NR3C2: variants seen among roughly 807,000 people sequenced by gnomAD.
The protein encoded by NR3C2 is mineralocorticoid receptor.
NR3C2 carries 15 observed loss-of-function variants against 86.4 expected under a neutral mutation model. The ratio of observed to expected loss-of-function variants is 0.17; its 90% CI spans 0.12 to 0.27. NR3C2 has a LOEUF of 0.27. NR3C2 is among the 10% of genes least tolerant of loss of function. The probability of loss-of-function intolerance (pLI) is 1.00; values close to 1 mark genes in which losing one functional copy is unlikely to be tolerated. For synonymous variants in NR3C2, 458 were observed against 450.5 expected (o/e 1.02, Z -0.21); for missense variants, 960 against 1,195.6 (o/e 0.80, Z 2.91).
At position 148,305,540 on chromosome 4, in the gene NR3C2, T is replaced by TAAA. The variant is rs3054606; in HGVS notation, c.1758-45426_1758-45424dup. 2.3e-3 allele frequency among the ~76,000 whole-genome samples: 309 copies of TAAA among 134,810 alleles called. 1 individual carries two copies. The highest frequency in any genetic ancestry group is 0.013 in the East Asian group (59 of 4,544). 88.4% of individuals were successfully genotyped at this position (134,810 alleles called of 152,430 possible). A position where few individuals can be genotyped will look rare whatever the true frequency, so the allele number is the denominator to read the frequency against. Reference sequence around the variant, plus strand: ...ATTTTGCAAGGATCCCATTCTTTCTTAAAAAAAAAAAAAAAAAAATCACGA... The same window carrying TAAA: ...ATTTTGCAAGGATCCCATTCTTTCTTAAAAAAAAAAAAAAAAAAAAAATCACGA... On this transcript the variant is annotated intron_variant, in intron 2 of 8. Coordinates refer to ENST00000358102, the MANE Select transcript of NR3C2 (RefSeq NM_000901.5).
At chr4:148,171,202 G>T (rs1026374654) in intron 4 of NR3C2, among the ~76,000 whole-genome samples, 17 of 152,164 alleles carry the variant, frequency 1.1e-4, no homozygotes, top group African/African-American at 4.1e-4. Flanking sequence ...GAGGTAAAAA[G>T]GTCCACACCC....
At chr4:148,405,248 T>C (rs183830113) in intron 2 of NR3C2, among the ~76,000 whole-genome samples, 4 of 152,340 alleles carry the variant, frequency 2.6e-5, no homozygotes, top group African/African-American at 9.6e-5. Flanking sequence ...GCATTGGACA[T>C]AGCCATAACC....
chr4:148,283,337 A>G (rs1207870422), intron 2 of NR3C2, among the ~76,000 whole-genome samples: 1 of 152,184 alleles, frequency 6.6e-6, no homozygotes, highest in Non-Finnish European at 1.5e-5. Context: ...TCAAAGGATC[A>G]CTAAACTTTT....
At chr4:148,234,815 T>G (rs921774183) in intron 3 of NR3C2, among the ~76,000 whole-genome samples, 1 of 152,190 alleles carries the variant, frequency 6.6e-6, no homozygotes, top group African/African-American at 2.4e-5. Context: ...TCTATTTTCT[T>G]ATTTTTTAAC....
intron 3 of NR3C2, among the ~76,000 whole-genome samples, chr4:148,231,952 G>T (rs1056532895): frequency 6.6e-6 from 1 of 152,080 alleles, no homozygotes; most frequent in African/African-American, 2.4e-5. Flanking sequence ...TCCTGAGATT[G>T]CAGCAATTCA....
intron 2 of NR3C2, among the ~76,000 whole-genome samples, chr4:148,298,903 T>C (rs1223289459): frequency 6.6e-6 from 1 of 152,246 alleles, no homozygotes; most frequent in African/African-American, 2.4e-5. Flanking sequence ...TAAGGGAACC[T>C]GCCCAAGGCC....
intron 8 of NR3C2, among the ~76,000 whole-genome samples, chr4:148,107,989 T>C (rs1161972107): frequency 2.6e-5 from 4 of 152,190 alleles, no homozygotes; most frequent in African/African-American, 9.6e-5. Context: ...ATTCTGCACA[T>C]GTATCCCAGA....
At position 148,207,580 on chromosome 4, in the gene NR3C2, T is replaced by C. The variant is rs543869629; in HGVS notation, c.1898-12718A>G. Among the ~76,000 whole-genome samples, 49 of 152,340 alleles carry C rather than the reference T, an allele frequency of 3.2e-4. 1 individual carries two copies. In the South Asian group the frequency reaches 6.0e-3, roughly 19 times the overall value. On this transcript the variant is annotated intron_variant, in intron 3 of 8. Transcript: ENST00000358102. ...CGATTCATAAGGCAGTAATGGGCTT[T>C]AGGGTCAGATGCAGTGGGTTATAGC... is the stretch of plus-strand genomic sequence containing the variant.
intron 2 of NR3C2, among the ~76,000 whole-genome samples, chr4:148,362,325 C>T (rs748956528): frequency 6.6e-6 from 1 of 152,062 alleles, no homozygotes; most frequent in Non-Finnish European, 1.5e-5. Context: ...ATACTGAATG[C>T]TCCCAACACA....
chr4:148,190,335 A>G (rs1197175278), intron 4 of NR3C2, among the ~76,000 whole-genome samples: 1 of 152,120 alleles, frequency 6.6e-6, no homozygotes, highest in East Asian at 1.9e-4. Flanking sequence ...ATGTATTTGT[A>G]TGGTTTTGAA....
rs61764242 is a variant in NR3C2, at chr4:148,110,365, A to G, written c.2799+3739T>C. Among the ~76,000 whole-genome samples the G allele has an allele frequency of 4.0e-3, 611 of 152,340 alleles. 9 individuals are homozygous for G. The highest frequency in any genetic ancestry group is 6.8e-3 in the South Asian group (33 of 4,822). On this transcript the variant is annotated intron_variant, in intron 8 of 8. Coordinates refer to ENST00000358102, the MANE Select transcript of NR3C2 (RefSeq NM_000901.5). ...GCTGGCATACTACACACATGGTTTA[A>G]GCAGAACTTTGATCTACAGTCAAAG... is the stretch of plus-strand genomic sequence containing the variant.
intron 2 of NR3C2, among the ~76,000 whole-genome samples, chr4:148,375,739 C>A (rs755707413): frequency 6.6e-6 from 1 of 152,104 alleles, no homozygotes; most frequent in Non-Finnish European, 1.5e-5. Context: ...AAGAGACACA[C>A]CCTACAGCTG....
At chr4:148,318,648 G>A (rs1056255430) in intron 2 of NR3C2, among the ~76,000 whole-genome samples, 1 of 152,166 alleles carries the variant, frequency 6.6e-6, no homozygotes, top group African/African-American at 2.4e-5. Context: ...ATTTTTTCAT[G>A]TGTTTTTTGG....
intron 2 of NR3C2, among the ~76,000 whole-genome samples, chr4:148,324,023 C>T (rs1743809574): frequency 1.3e-5 from 2 of 152,178 alleles, no homozygotes; most frequent in African/African-American, 2.4e-5. Context: ...GGTGTTTCCA[C>T]CAAGAACAAA....
intron 6 of NR3C2, among the ~76,000 whole-genome samples, chr4:148,126,425 C>A (rs1732749649): frequency 6.6e-6 from 1 of 152,056 alleles, no homozygotes. Flanking sequence ...TTCAGGAATA[C>A]AGTATTATGT....
chr4:148,376,145 C>A (rs371234126), intron 2 of NR3C2, among the ~76,000 whole-genome samples: 532 of 105,308 alleles, frequency 5.1e-3, no homozygotes, highest in Admixed American at 5.2e-3. Context: ...AGGAGTAAGG[C>A]AAAAAAAAAA....
At chr4:148,376,923 T>G (rs1282702159) in intron 2 of NR3C2, among the ~76,000 whole-genome samples, 1 of 152,192 alleles carries the variant, frequency 6.6e-6, no homozygotes, top group Non-Finnish European at 1.5e-5. Context: ...AAAGTTATAC[T>G]TTTTTTGAAA....
chr4:148,400,353 C>T (rs1748084555), intron 2 of NR3C2, among the ~76,000 whole-genome samples: 2 of 152,142 alleles, frequency 1.3e-5, no homozygotes. Flanking sequence ...TAGACATTAG[C>T]TCTGTTTAAA....
intron 6 of NR3C2, among the ~76,000 whole-genome samples, chr4:148,132,292 C>T (rs896800419): frequency 6.6e-6 from 1 of 152,142 alleles, no homozygotes; most frequent in African/African-American, 2.4e-5. Context: ...AGTACCAATA[C>T]AATTCACTTA....
Sources: allele counts gnomAD v4.1 joint callset (sites outside exome capture counted in the v4.1 genomes callset), GRCh38; gene constraint gnomAD v4.1.1; transcripts MANE v1.5; gene names NCBI Gene and HGNC (gene_info 2026-07-23, HGNC 2026-07-21).